Variants in CDH4 observed in about 807,000 individuals in gnomAD.
The protein encoded by CDH4 is cadherin-4.
Under a neutral mutation model 86.0 loss-of-function variants are expected in CDH4, and 33 were observed. The observed-to-expected ratio is 0.38, with a 90% confidence interval of 0.29 to 0.51. The LOEUF (loss-of-function observed/expected upper bound fraction) is 0.51. Ranked by LOEUF, CDH4 falls within the 20% of genes least tolerant of loss-of-function variation. The probability of loss-of-function intolerance (pLI) is 0.86; values close to 1 mark genes in which losing one functional copy is unlikely to be tolerated. For missense variants in CDH4, 1,114 were observed against 1,307.4 expected, an observed-to-expected ratio of 0.85 and a Z score of 2.28; for synonymous variants, 555 against 549.4, an observed-to-expected ratio of 1.01 and a Z score of -0.14.
In CDH4 at chr20:61,392,763, G is replaced by A. The variant is rs1312414195; in HGVS notation, c.169+137826G>A. 1.3e-5 allele frequency among the ~76,000 whole-genome samples: 2 copies of A among 152,154 alleles called. No individual in the cohort carries two copies. Among genetic ancestry groups the A allele is most frequent in the Non-Finnish European group, 2.9e-5 (2 of 68,032 alleles). ...TCTCACAGTATTCATCAGAAACTCG[G>A]TATTGCACATTTATTTCCTAGCGGG... On this transcript the variant is annotated intron_variant, in intron 2 of 15. Transcript: ENST00000614565. This position sits in a 1 kb window ranked among gnomAD's most constrained non-coding sequence, Gnocchi z 5.7.
At chr20:61,849,410 C>T (rs1297994698) in intron 5 of CDH4, among the ~76,000 whole-genome samples, 1 of 152,190 alleles carries the variant, frequency 6.6e-6, no homozygotes, top group Non-Finnish European at 1.5e-5. Flanking sequence ...AAACAACGCC[C>T]TATGAGTTCA....
At chr20:61,755,017 G>C (rs1449553272) in intron 3 of CDH4, 2 of 152,290 alleles carry the variant, frequency 1.3e-5, no homozygotes, top group African/African-American at 2.4e-5. Context: ...TGAGGCCTCA[G>C]AATTATGGCA....
At chr20:61,561,996 G>A (rs1305993437) in intron 2 of CDH4, among the ~76,000 whole-genome samples, 3 of 151,356 alleles carry the variant, frequency 2.0e-5, no homozygotes, top group Non-Finnish European at 4.4e-5. Flanking sequence ...GTGTGGAGAG[G>A]TGGACCCCAG....
chr20:61,838,695 A>G (rs1367303207), intron 4 of CDH4, among the ~76,000 whole-genome samples: 1 of 151,754 alleles, frequency 6.6e-6, no homozygotes, highest in Non-Finnish European at 1.5e-5. Context: ...TGTAGTCCCA[A>G]CTATCCTAGT....
At chr20:61,660,060 C>T (rs1009020913) in intron 2 of CDH4, among the ~76,000 whole-genome samples, 22 of 152,260 alleles carry the variant, frequency 1.4e-4, no homozygotes, top group African/African-American at 3.6e-4. Context: ...GGCAGCTCCT[C>T]GGGGATCTGC....
chr20:61,669,865 G>A (rs976531322), intron 2 of CDH4, among the ~76,000 whole-genome samples: 21 of 152,266 alleles, frequency 1.4e-4, no homozygotes, highest in Middle Eastern at 6.8e-3. Context: ...TGCAGGACAC[G>A]GCTCTGGGAG....
At chr20:61,773,951 G>A (rs1171466423) in intron 4 of CDH4, among the ~76,000 whole-genome samples, 3 of 152,204 alleles carry the variant, frequency 2.0e-5, no homozygotes, top group Non-Finnish European at 4.4e-5. Context: ...TGCAGAGATG[G>A]GAGGAAGAGA....
At position 61,743,716 on chromosome 20, in the gene CDH4, A is replaced by C; in HGVS notation, c.323A>C (p.Gln108Pro). 6.2e-7 allele frequency: 1 copy of C among 1,611,390 alleles called. No individual in the cohort carries two copies. The highest frequency in any genetic ancestry group is 1.1e-5 in the South Asian group (1 of 90,282). ...VAFTVTAWDS[Q>P]TAEKWDAVVR... ...TTCACGGTGACTGCATGGGACAGCCAGACAGCAGAGAAATGGGACGCCGTG... is the reference window on the plus strand; with the variant it reads ...TTCACGGTGACTGCATGGGACAGCCCGACAGCAGAGAAATGGGACGCCGTG... Residue 108 changes from glutamine (Q) to proline (P), a missense_variant, in exon 3 of 16, where the codon CAG becomes CCG. Physicochemically the swap from Gln to Pro is moderately conservative, Grantham distance 76 (BLOSUM62 -1). Around this residue, in one of 3 missense-constraint regions of CDH4, gnomAD observed 221 missense variants for 209.5 expected, o/e 1.05. Transcript: ENST00000614565.
At chr20:61,304,047 G>A (rs1214217617) in intron 2 of CDH4, among the ~76,000 whole-genome samples, 1 of 152,148 alleles carries the variant, frequency 6.6e-6, no homozygotes, top group African/African-American at 2.4e-5. Flanking sequence ...TTTCTGGGTG[G>A]TGATGTCCCC....
At chr20:61,573,030 TTGGA>T (rs760571002) in intron 2 of CDH4, among the ~76,000 whole-genome samples, 2,272 of 140,422 alleles carry the variant, frequency 0.016, 22 homozygotes, top group African/African-American at 0.044. Context: ...GGATGGATGG[TTGGA>T]TGGATGGATG....
intron 2 of CDH4, among the ~76,000 whole-genome samples, chr20:61,617,889 A>T (rs993093549): frequency 1.3e-5 from 2 of 152,160 alleles, no homozygotes; most frequent in Admixed American, 1.3e-4. Flanking sequence ...GAGGTAATTG[A>T]ATCATGGAGG....
intron 2 of CDH4, among the ~76,000 whole-genome samples, chr20:61,435,050 C>T (rs566353270): frequency 6.6e-6 from 1 of 152,310 alleles, no homozygotes; most frequent in East Asian, 1.9e-4. Context: ...TCATTCCTTC[C>T]AACCCCCGCT....
At chr20:61,271,475 C>T (rs1568775353) in intron 2 of CDH4, among the ~76,000 whole-genome samples, 1 of 152,178 alleles carries the variant, frequency 6.6e-6, no homozygotes, top group African/African-American at 2.4e-5. Context: ...GAGAGGACAG[C>T]GGGCTGTCTT....
chr20:61,286,117 G>A (rs1296276268), intron 2 of CDH4, among the ~76,000 whole-genome samples: 1 of 152,228 alleles, frequency 6.6e-6, no homozygotes, highest in African/African-American at 2.4e-5. Flanking sequence ...GATTGATGGT[G>A]AGTTGGCCAA....
At chr20:61,339,439 C>T (rs769041963) in intron 2 of CDH4, among the ~76,000 whole-genome samples, 23 of 150,964 alleles carry the variant, frequency 1.5e-4, no homozygotes, top group Admixed American at 6.0e-4. Flanking sequence ...AGTGTGTGTG[C>T]GCCTTGCACA....
chr20:61,353,669 T>C (rs2084728184), intron 2 of CDH4, among the ~76,000 whole-genome samples: 1 of 53,094 alleles, frequency 1.9e-5, no homozygotes, highest in Non-Finnish European at 3.8e-5. Flanking sequence ...TTCCTCCTCT[T>C]CCCCCTCCTC....
intron 9 of CDH4, among the ~76,000 whole-genome samples, chr20:61,917,041 C>CA (rs1382269720): frequency 6.6e-6 from 1 of 152,206 alleles, no homozygotes; most frequent in Non-Finnish European, 1.5e-5. Context: ...ATCAGTCACC[C>CA]AAATCCTGGC....
intron 2 of CDH4, among the ~76,000 whole-genome samples, chr20:61,737,473 G>A (rs1600931133): frequency 6.6e-6 from 1 of 152,052 alleles, no homozygotes; most frequent in African/African-American, 2.4e-5. Flanking sequence ...AGGGACCCCC[G>A]GCCTGACTAG....
At chr20:61,647,425 A>C (rs2087072436) in intron 2 of CDH4, among the ~76,000 whole-genome samples, 1 of 152,218 alleles carries the variant, frequency 6.6e-6, no homozygotes, top group African/African-American at 2.4e-5. Flanking sequence ...AAGTAAAATG[A>C]AATTGTCAAA....
Sources: gnomAD v4.1 joint callset for allele counts (sites outside exome capture counted in the v4.1 genomes callset) on GRCh38, gnomAD v4.1.1 for gene constraint, gnomAD v4.1.1 regional missense constraint, Gnocchi (gnomAD v3.1) non-coding constraint, MANE v1.5 for transcripts, NCBI Gene and HGNC (gene_info 2026-07-23, HGNC 2026-07-21) for gene names.